Variants in ST14 observed in about 807,000 individuals in gnomAD.
ST14 encodes the protein suppressor of tumorigenicity 14 protein.
Under a neutral mutation model 96.5 loss-of-function variants are expected in ST14, and 40 were observed. The ratio of observed to expected loss-of-function variants is 0.41; its 90% CI spans 0.32 to 0.54. ST14 has a LOEUF of 0.54. Among genes scored for constraint, ST14 ranks in the 20% least tolerant of loss-of-function variants. The probability of loss-of-function intolerance (pLI) is 0.17; values close to 1 mark genes in which losing one functional copy is unlikely to be tolerated. For missense variants in ST14, 1,066 were observed against 1,188.9 expected (o/e 0.90, Z 1.52); for synonymous variants, 506 against 492.1 (o/e 1.03, Z -0.37).
chr11:130,189,628 A>T (rs1953272584), intron 4 of ST14, 111 bp from the exon 5 acceptor site: 2 of 1,420,346 alleles, frequency 1.4e-6, no homozygotes, highest in Non-Finnish European at 1.9e-6. Flanking sequence ...GCCTCTGCAG[A>T]TGGCAGGCCC....
rs1229232390 is a variant in ST14 at position 130,189,830 on chromosome 11, G to A, written c.532G>A (p.Val178Ile). The A allele has an allele frequency of 3.1e-6, 5 of 1,613,790 alleles. No individual in the cohort carries two copies. Among genetic ancestry groups the A allele is most frequent in the East Asian group, 2.2e-5 (1 of 44,876 alleles). ...EAERVMAEER[V>I]VMLPPRARSL... is the part of the protein sequence containing the mutation. ...CGAGCGCGTCATGGCCGAGGAGCGC[G>A]TAGTCATGCTGCCCCCGCGGGCGCG... The change falls in exon 5 of 19, where the codon GTA becomes ATA. Residue 178 changes from valine to isoleucine, a missense_variant. Val to Ile is a conservative substitution (Grantham distance 29, BLOSUM62 3). Transcript: ENST00000278742.
chr11:130,189,916 G>T lies in ST14; in HGVS notation c.598+20G>T. ...CTTTCCGTGAGTCCGAGGGCCAGGG[G>T]TGGGCGTGGGACTGGCCAGCCTTCC... On this transcript the variant is annotated intron_variant, in intron 5 of 18. Coordinates refer to ENST00000278742, the MANE Select transcript of ST14 (RefSeq NM_021978.4). 6.2e-7 allele frequency: 1 copy of T among 1,613,528 alleles called. No homozygotes were observed.
intron 1 of ST14, among the ~76,000 whole-genome samples, chr11:130,167,017 C>A (rs1953047294): frequency 6.6e-6 from 1 of 152,160 alleles, no homozygotes; most frequent in African/African-American, 2.4e-5. Context: ...TCAAGACTAG[C>A]CTGGCCAACA....
At chr11:130,177,619 C>A (rs1953153315) in intron 1 of ST14, among the ~76,000 whole-genome samples, 1 of 152,182 alleles carries the variant, frequency 6.6e-6, no homozygotes, top group Non-Finnish European at 1.5e-5. Context: ...TGAGACCATG[C>A]TTGCTATGAG....
At chr11:130,169,063 C>A (rs116598536) in intron 1 of ST14, among the ~76,000 whole-genome samples, 164 of 149,644 alleles carry the variant, frequency 1.1e-3, no homozygotes, top group Non-Finnish European at 2.1e-3. Context: ...CCCATACATA[C>A]CATATTATTT....
intron 7 of ST14, among the ~76,000 whole-genome samples, chr11:130,191,376 T>G (rs923201408): frequency 1.3e-5 from 2 of 149,940 alleles, no homozygotes; most frequent in Non-Finnish European, 1.5e-5. Flanking sequence ...GTAACAGGAA[T>G]GAGGGGAAAA....
Position 130,188,356 on chromosome 11 carries a change from C to T in ST14, c.241+83C>T. On this transcript the variant is annotated intron_variant, in intron 2 of 18. Coordinates refer to ENST00000278742, the MANE Select transcript of ST14 (RefSeq NM_021978.4). This position sits in a 1 kb window ranked among gnomAD's most constrained non-coding sequence, Gnocchi z 5.4. ...CCTCAGCGGACAGACCCAGGGCCAC[C>T]TACTGAGTACACGAGGATCTCTTGG... 6.3e-7 allele frequency: 1 copy of T among 1,581,038 alleles called. No individual in the cohort carries two copies. The highest frequency in any genetic ancestry group is 8.6e-7 in the Non-Finnish European group (1 of 1,161,004).
chr11:130,165,844 A>C (rs1461799356), intron 1 of ST14, among the ~76,000 whole-genome samples: 2 of 152,216 alleles, frequency 1.3e-5, no homozygotes, highest in Admixed American at 1.3e-4. Flanking sequence ...AGGCAGTAAG[A>C]AGTAGAGTAA....
At position 130,188,227 on chromosome 11, in the gene ST14, C is replaced by T. The variant is rs151036186; in HGVS notation, c.195C>T (p.Leu65=). The change falls in exon 2 of 19, where the codon CTC becomes CTT. Residue 65 remains leucine, a synonymous_variant. Transcript: ENST00000278742. The surrounding 1 kb of genome is among the most constrained non-coding windows in gnomAD (Gnocchi z 5.4). ...TGCTGGCAGCCGTGCTGATCGGCCT[C>T]CTCTTGGTCTTGCTGGGGATCGGCT... The part of the protein sequence containing the change: ...WVVLAAVLIG[L]LLVLLGIGFL... 6.2e-7 allele frequency: 1 copy of T among 1,614,016 alleles called. No individual in the cohort carries two copies. Among genetic ancestry groups the T allele is most frequent in the African/African-American group, 1.3e-5 (1 of 74,934 alleles).
At chr11:130,180,104 G>T (rs888323416) in intron 1 of ST14, among the ~76,000 whole-genome samples, 2 of 152,346 alleles carry the variant, frequency 1.3e-5, no homozygotes, top group Admixed American at 6.5e-5. Context: ...GAGCGTGTCA[G>T]TCAAGAGCCT....
In ST14 at chr11:130,188,581, A is replaced by G. The variant is rs1018331867; in HGVS notation, c.293A>G (p.Asn98Ser). The G allele has an allele frequency of 3.1e-6, 5 of 1,614,090 alleles. No homozygotes were observed. Among genetic ancestry groups the G allele is most frequent in the Admixed American group, 3.3e-5 (2 of 60,010 alleles). Residue 98 changes from asparagine (N) to serine (S), a missense_variant, in exon 3 of 19, where the codon AAT becomes AGT. Physicochemically the swap from Asn to Ser is conservative, Grantham distance 46. Transcript: ENST00000278742. This position sits in a 1 kb window ranked among gnomAD's most constrained non-coding sequence, Gnocchi z 5.4. ...KVFNGYMRITNENFVDAYENS... is the reference protein window; with the variant it reads ...KVFNGYMRITSENFVDAYENS... ...TTCAATGGCTACATGAGGATCACAA[A>G]TGAGAATTTTGTGGATGCCTACGAG...
intron 1 of ST14, among the ~76,000 whole-genome samples, chr11:130,174,852 C>A (rs1304198888): frequency 6.6e-6 from 1 of 152,218 alleles, no homozygotes; most frequent in African/African-American, 2.4e-5. Flanking sequence ...ACCAGCCAGC[C>A]TAGCCCAGCC....
At position 130,199,020 on chromosome 11, in the gene ST14, G is replaced by C. The variant is rs1327012922; in HGVS notation, c.1758G>C (p.Glu586Asp). 6.2e-7 allele frequency: 1 copy of C among 1,614,008 alleles called. No homozygotes were observed. Among genetic ancestry groups the C allele is most frequent in the Non-Finnish European group, 8.5e-7 (1 of 1,180,018 alleles). Residue 586 changes from glutamate to aspartate, a missense_variant, in exon 15 of 19, where the codon GAG becomes GAC. Coordinates refer to ENST00000278742, the MANE Select transcript of ST14 (RefSeq NM_021978.4). ...TCTGCTTGAGCAAGGGCAACCCTGA[G>C]TGTGACGGGAAGGAGGACTGTAGCG... ...NGLCLSKGNP[E>D]CDGKEDCSDG...
rs1953248158 is a variant in ST14, at chr11:130,187,385, CT to C, written c.82-728del. ...GGAGGAACCCGGGGAAGTTGCCATCCTGTCTTTTGGGCGTTTGGTTTGCTTG... is the reference window on the plus strand; with the variant it reads ...GGAGGAACCCGGGGAAGTTGCCATCCGTCTTTTGGGCGTTTGGTTTGCTTG... On this transcript the variant is annotated intron_variant, in intron 1 of 18. Coordinates refer to ENST00000278742, the MANE Select transcript of ST14 (RefSeq NM_021978.4). The surrounding 1 kb of genome is among the most constrained non-coding windows in gnomAD (Gnocchi z 4.5). Among the ~76,000 whole-genome samples the C allele has an allele frequency of 2.0e-5, 3 of 152,334 alleles. No individual in the cohort carries two copies. In the South Asian group the frequency reaches 6.2e-4, roughly 32 times the overall value.
chr11:130,178,305 G>A (rs547712395), intron 1 of ST14, among the ~76,000 whole-genome samples: 5 of 152,332 alleles, frequency 3.3e-5, no homozygotes, highest in African/African-American at 7.2e-5. Flanking sequence ...CAGAGCCTTC[G>A]TTGGCAGATG....
chr11:130,159,973 G>C lies in ST14; in HGVS notation c.-7G>C, dbSNP rs1952986136. On this transcript the variant is annotated 5_prime_UTR_variant, in exon 1 of 19. Transcript: ENST00000278742. ...GCCTGTGAGACCCGCGAGCGGCCTC[G>C]GGGACCATGGGGAGCGATCGGGCCC... The C allele has an allele frequency of 7.3e-7, 1 of 1,366,436 alleles. No individual in the cohort carries two copies. Among genetic ancestry groups the C allele is most frequent in the Non-Finnish European group, 9.5e-7 (1 of 1,048,004 alleles). 84.6% of individuals were successfully genotyped at this position (1,366,436 alleles called of 1,614,324 possible).
intron 7 of ST14, among the ~76,000 whole-genome samples, chr11:130,191,925 A>T (rs572866154): frequency 6.6e-6 from 1 of 152,184 alleles, no homozygotes; most frequent in Non-Finnish European, 1.5e-5. Flanking sequence ...GTGGGTTTGC[A>T]TAGGGAAGGT....
Position 130,188,687 on chromosome 11 carries a change from G to A in ST14, c.369+30G>A, listed in dbSNP as rs766917274. 3.7e-6 allele frequency: 6 copies of A among 1,613,774 alleles called. No individual in the cohort carries two copies. In the Admixed American group the frequency reaches 5.0e-5, roughly 13 times the overall value. ...GTGCAGCCTGCCCAGAGTCCTGCTG[G>A]GCTGTGTGCGCTGGTGTCCCACCTG... On this transcript the variant is annotated intron_variant, in intron 3 of 18. Coordinates refer to ENST00000278742, the MANE Select transcript of ST14 (RefSeq NM_021978.4). The surrounding 1 kb of genome is among the most constrained non-coding windows in gnomAD (Gnocchi z 5.4).
chr11:130,183,700 C>T (rs1953214214), intron 1 of ST14, among the ~76,000 whole-genome samples: 1 of 152,174 alleles, frequency 6.6e-6, no homozygotes, highest in Admixed American at 6.5e-5. Flanking sequence ...TTTCAGTGTA[C>T]AGGTTTTGTG....
Sources: gnomAD v4.1 joint callset for allele counts (sites outside exome capture counted in the v4.1 genomes callset) on GRCh38, gnomAD v4.1.1 for gene constraint, Gnocchi (gnomAD v3.1) non-coding constraint, MANE v1.5 for transcripts, NCBI Gene and HGNC (gene_info 2026-07-23, HGNC 2026-07-21) for gene names.